The following DRC8 variants were observed in gnomAD, a reference collection of about 807,000 sequenced individuals.
The protein encoded by DRC8 is dynein regulatory complex subunit 8, also known as dynein regulatory complex protein 8.
chr1:244,970,184 G>A, the DRC8 span: 2 of 715,118 alleles, frequency 2.8e-6, no homozygotes, highest in African/African-American at 1.8e-5. Context: ...GCCGGGGGCC[G>A]GGTGGCAGAC....
chr1:245,115,814 C>T, the DRC8 span, among the ~76,000 whole-genome samples: 19 of 151,886 alleles, frequency 1.3e-4, no homozygotes, highest in Non-Finnish European at 1.8e-4. Context: ...GGCCTGGTGC[C>T]GTGGCTCGGC....
the DRC8 span, among the ~76,000 whole-genome samples, chr1:245,074,752 G>C: frequency 0.96 from 146,169 of 152,218 alleles, 70,468 homozygotes; most frequent in East Asian, 1. Flanking sequence ...TAAAATTTTT[G>C]TTTTTAAAGA....
the DRC8 span, chr1:245,083,718 AC>A: frequency 2.2e-5 from 35 of 1,587,124 alleles, no homozygotes; most frequent in Non-Finnish European, 2.7e-5. Flanking sequence ...TATCACAATG[AC>A]TTATGTGAGG....
At chr1:245,102,330 C>CTTTATTTATTTA in the DRC8 span, among the ~76,000 whole-genome samples, 829 of 147,476 alleles carry the variant, frequency 5.6e-3, 4 homozygotes, top group African/African-American at 0.017. Context: ...TCATTAGGAA[C>CTTTATTTATTTA]TTTATTTATT....
At chr1:244,988,938 TGTAC>T in the DRC8 span, among the ~76,000 whole-genome samples, 1 of 152,320 alleles carries the variant, frequency 6.6e-6, no homozygotes, top group Middle Eastern at 3.4e-3. Context: ...TACAGAGCTA[TGTAC>T]GTATGAATAT....
the DRC8 span, among the ~76,000 whole-genome samples, chr1:245,011,874 C>G: frequency 2.0e-5 from 3 of 151,900 alleles, no homozygotes; most frequent in African/African-American, 7.3e-5. Context: ...ATATATAAAC[C>G]ATAATATTCA....
chr1:245,110,386 AAAAC>A, the DRC8 span, among the ~76,000 whole-genome samples: 1 of 114 alleles, frequency 8.8e-3, no homozygotes, highest in Admixed American at 0.12. Flanking sequence ...TCCTTCTCAA[AAAAC>A]AAAACAAAAC....
the DRC8 span, among the ~76,000 whole-genome samples, chr1:245,111,351 A>G: frequency 1.2e-4 from 19 of 152,300 alleles, no homozygotes; most frequent in Non-Finnish European, 1.5e-5. Flanking sequence ...ACCGCAGGGC[A>G]AAGTGTCTAG....
At chr1:244,982,164 A>G in the DRC8 span, among the ~76,000 whole-genome samples, 1 of 152,232 alleles carries the variant, frequency 6.6e-6, no homozygotes, top group Non-Finnish European at 1.5e-5. Flanking sequence ...AACATTAAAC[A>G]CAGCCCTACT....
At chr1:245,066,648 C>T in the DRC8 span, among the ~76,000 whole-genome samples, 1 of 152,172 alleles carries the variant, frequency 6.6e-6, no homozygotes, top group Non-Finnish European at 1.5e-5. Flanking sequence ...TGGCTCACAC[C>T]TGTAATCCCA....
At chr1:245,012,144 A>G in the DRC8 span, among the ~76,000 whole-genome samples, 3 of 152,326 alleles carry the variant, frequency 2.0e-5, no homozygotes, top group Non-Finnish European at 4.4e-5. Context: ...TTTTGTTCAA[A>G]TGTTTTAAAT....
chr1:245,085,959 G>A, the DRC8 span, among the ~76,000 whole-genome samples: 1 of 152,226 alleles, frequency 6.6e-6, no homozygotes, highest in African/African-American at 2.4e-5. Context: ...CTTTGCCCTC[G>A]ATGGCGAGTA....
the DRC8 span, chr1:245,087,445 T>C: frequency 1.4e-6 from 2 of 1,468,580 alleles, no homozygotes; most frequent in African/African-American, 2.9e-5. Context: ...TTAGGATTCC[T>C]ATATGTGATA....
At chr1:245,027,373 AAG>A in the DRC8 span, among the ~76,000 whole-genome samples, 15 of 152,092 alleles carry the variant, frequency 9.9e-5, no homozygotes, top group Non-Finnish European at 1.8e-4. Flanking sequence ...AGGAAGGAAA[AAG>A]ATATTGAAGA....
chr1:245,117,192 A>G, the DRC8 span, among the ~76,000 whole-genome samples: 343 of 152,148 alleles, frequency 2.3e-3, no homozygotes, highest in African/African-American at 7.9e-3. Flanking sequence ...AGCTGGGATG[A>G]CAGGCACTCA....
chr1:245,030,092 T>C, the DRC8 span, among the ~76,000 whole-genome samples: 1 of 152,206 alleles, frequency 6.6e-6, no homozygotes. Flanking sequence ...GGAAATCTAA[T>C]ATTAGATTCA....
At chr1:245,030,517 G>A in the DRC8 span, 1 of 152,236 alleles carries the variant, frequency 6.6e-6, no homozygotes, top group Non-Finnish European at 1.5e-5. Context: ...CAGCCTCTCA[G>A]TGTACTGGAA....
At chr1:245,075,905 T>G in the DRC8 span, among the ~76,000 whole-genome samples, 1 of 152,196 alleles carries the variant, frequency 6.6e-6, no homozygotes, top group Non-Finnish European at 1.5e-5. Flanking sequence ...ACTCTCGCCT[T>G]TTTTTCAGTC....
the DRC8 span, among the ~76,000 whole-genome samples, chr1:245,078,006 A>C: frequency 6.6e-6 from 1 of 152,168 alleles, no homozygotes; most frequent in African/African-American, 2.4e-5. Context: ...CAGACAACTC[A>C]ATTGCAAAAA....
Sources: allele counts gnomAD v4.1 joint callset (sites outside exome capture counted in the v4.1 genomes callset), GRCh38; gene constraint gnomAD v4.1.1; transcripts MANE v1.5; gene names NCBI Gene and HGNC (gene_info 2026-07-23, HGNC 2026-07-21).